Variants in PLCL2 observed in about 807,000 individuals in gnomAD.
PLCL2 encodes the protein phospholipase C like 2.
A neutral mutation model predicts 79.6 loss-of-function variants in PLCL2; 4 were observed. The ratio of observed to expected loss-of-function variants is 0.05; its 90% CI spans 0.02 to 0.11. The LOEUF (loss-of-function observed/expected upper bound fraction) is 0.11. Among genes scored for constraint, PLCL2 ranks in the 10% least tolerant of loss-of-function variants. PLCL2 has a pLI of 1.00. For missense variants in PLCL2, 895 were observed against 1,291.0 expected, an observed-to-expected ratio of 0.69 and a Z score of 4.70; for synonymous variants, 484 against 457.7, an observed-to-expected ratio of 1.06 and a Z score of -0.73.
intron 1 of PLCL2, among the ~76,000 whole-genome samples, chr3:17,002,394 A>T (rs1453245515): frequency 6.6e-6 from 1 of 152,168 alleles, no homozygotes; most frequent in Admixed American, 6.5e-5. Context: ...GACTACAAAT[A>T]CTATGTTGAA....
At chr3:16,888,576 TA>T (rs768938614) in intron 1 of PLCL2, among the ~76,000 whole-genome samples, 7 of 152,390 alleles carry the variant, frequency 4.6e-5, no homozygotes, top group Middle Eastern at 6.8e-3. Context: ...AGTAATCTAG[TA>T]AATGAAAACA....
intron 1 of PLCL2, among the ~76,000 whole-genome samples, chr3:16,919,762 T>C (rs759819742): frequency 6.6e-6 from 1 of 152,018 alleles, no homozygotes; most frequent in Non-Finnish European, 1.5e-5. Context: ...TTCTTGGAGG[T>C]GCTTCCCTCA....
At chr3:16,920,045 G>C (rs1020503321) in intron 1 of PLCL2, among the ~76,000 whole-genome samples, 1 of 152,176 alleles carries the variant, frequency 6.6e-6, no homozygotes, top group African/African-American at 2.4e-5. Flanking sequence ...GCCTCTGAGA[G>C]TAGAAATCAG....
chr3:16,999,358 T>C (rs1176256701), intron 1 of PLCL2, among the ~76,000 whole-genome samples: 1 of 152,180 alleles, frequency 6.6e-6, no homozygotes, highest in Non-Finnish European at 1.5e-5. Flanking sequence ...AAATCCTAAG[T>C]GTTTAGAGTA....
At position 17,010,843 on chromosome 3, in the gene PLCL2, C is replaced by T. The variant is rs373967358; in HGVS notation, c.1497C>T (p.Val499=). 1.2e-6 allele frequency: 2 copies of T among 1,613,952 alleles called. No individual in the cohort carries two copies. The highest frequency in any genetic ancestry group is 1.3e-5 in the African/African-American group (1 of 74,902). The change falls in exon 2 of 6, where the codon GTC becomes GTT. Residue 499 remains valine (V), a synonymous_variant. Coordinates refer to ENST00000615277, the MANE Select transcript of PLCL2 (RefSeq NM_001144382.2). The surrounding 1 kb of genome is among the most constrained non-coding windows in gnomAD (Gnocchi z 5.8). Reference sequence around the variant, plus strand: ...CCTCTCAGATAGTTTTCCGCAGTGTCATTGATATTATTAACAAGTATGCAT... The same window carrying T: ...CCTCTCAGATAGTTTTCCGCAGTGTTATTGATATTATTAACAAGTATGCAT... ...TMTSQIVFRS[V]IDIINKYAFF...
intron 1 of PLCL2, among the ~76,000 whole-genome samples, chr3:16,897,003 C>T (rs989081708): frequency 7.9e-5 from 12 of 152,074 alleles, no homozygotes; most frequent in African/African-American, 2.9e-4. Flanking sequence ...GTTGGGTTCT[C>T]GACTTCCCTG....
chr3:16,895,246 A>G (rs1204629067), intron 1 of PLCL2, among the ~76,000 whole-genome samples: 1 of 152,114 alleles, frequency 6.6e-6, no homozygotes, highest in African/African-American at 2.4e-5. Context: ...AGTTCAGTGT[A>G]TCAGTATTTT....
chr3:16,982,844 C>T lies in PLCL2; in HGVS notation c.328-26830C>T, dbSNP rs564221644. ...TTAGTTGTTTCTAAAAATTAAATCC[C>T]TTCTTCCTTCTTTAATGGCAAAAAT... On this transcript the variant is annotated intron_variant, in intron 1 of 5. Coordinates refer to ENST00000615277, the MANE Select transcript of PLCL2 (RefSeq NM_001144382.2). Among the ~76,000 whole-genome samples, 87 of 152,198 alleles carry T rather than the reference C, an allele frequency of 5.7e-4. No homozygotes were observed. The South Asian group carries it at 0.012, about 22-fold the overall frequency.
In PLCL2 at chr3:17,010,067, A is replaced by G. The variant is rs775170865; in HGVS notation, c.721A>G (p.Ile241Val). ...LVANSADVAN[I>V]WVTGLRYLIS... is the part of the protein sequence containing the mutation. ...TGCCAACTCCGCAGATGTTGCAAAC[A>G]TCTGGGTTACAGGACTGCGGTACCT... is the stretch of plus-strand genomic sequence containing the variant. The change falls in exon 2 of 6, where the codon ATC becomes GTC. Residue 241 changes from isoleucine (I) to valine (V), a missense_variant. Around this residue, in one of 6 missense-constraint regions of PLCL2, gnomAD observed 129 missense variants for 208.8 expected, o/e 0.62. Transcript: ENST00000615277. This position sits in a 1 kb window ranked among gnomAD's most constrained non-coding sequence, Gnocchi z 5.8. 2 of 1,613,342 alleles carry G rather than the reference A, an allele frequency of 1.2e-6. No individual in the cohort carries two copies. Among genetic ancestry groups the G allele is most frequent in the Non-Finnish European group, 1.7e-6 (2 of 1,179,382 alleles).
intron 4 of PLCL2, among the ~76,000 whole-genome samples, chr3:17,052,822 C>A (rs1048376278): frequency 4.6e-5 from 7 of 152,252 alleles, no homozygotes; most frequent in Non-Finnish European, 8.8e-5. Context: ...TCGTGATTTT[C>A]TTAATGTTTT....
intron 4 of PLCL2, among the ~76,000 whole-genome samples, chr3:17,050,616 A>G (rs1319364234): frequency 6.6e-6 from 1 of 152,212 alleles, no homozygotes; most frequent in African/African-American, 2.4e-5. Flanking sequence ...TGCAGTTAAA[A>G]TGGCTTTTAT....
chr3:16,960,899 T>C (rs889515128), intron 1 of PLCL2, among the ~76,000 whole-genome samples: 2 of 152,230 alleles, frequency 1.3e-5, no homozygotes, highest in East Asian at 3.8e-4. Context: ...ATTTCAATAA[T>C]GACTTCATGG....
intron 5 of PLCL2, among the ~76,000 whole-genome samples, chr3:17,070,732 C>T (rs1193515089): frequency 6.6e-6 from 1 of 151,996 alleles, no homozygotes; most frequent in Non-Finnish European, 1.5e-5. Context: ...TGGGATCTGT[C>T]GAGTTCCTCC....
intron 1 of PLCL2, among the ~76,000 whole-genome samples, chr3:16,904,319 C>CAAAAAAAAAAAAA (rs759121819): frequency 7.3e-5 from 10 of 137,278 alleles, no homozygotes; most frequent in African/African-American, 2.4e-4. Context: ...AAAAAAAAAG[C>CAAAAAAAAAAAAA]AAACTTTGGA....
chr3:16,920,653 T>A (rs1697104964), intron 1 of PLCL2, among the ~76,000 whole-genome samples: 1 of 152,154 alleles, frequency 6.6e-6, no homozygotes, highest in Non-Finnish European at 1.5e-5. Flanking sequence ...ACTTAAAGAA[T>A]GCAGGAGTGA....
At chr3:17,046,636 G>T (rs1041247254) in intron 4 of PLCL2, among the ~76,000 whole-genome samples, 1 of 152,224 alleles carries the variant, frequency 6.6e-6, no homozygotes, top group Non-Finnish European at 1.5e-5. Context: ...TAAAATGACA[G>T]TAGAGGGTTT....
At chr3:16,923,957 A>G (rs2124936893) in intron 1 of PLCL2, among the ~76,000 whole-genome samples, 1 of 152,258 alleles carries the variant, frequency 6.6e-6, no homozygotes, top group East Asian at 1.9e-4. Flanking sequence ...CTCCCTTTAA[A>G]AAGTCATTTT....
chr3:17,074,221 AG>A (rs1291916434), intron 5 of PLCL2, among the ~76,000 whole-genome samples: 2 of 152,236 alleles, frequency 1.3e-5, no homozygotes, highest in African/African-American at 2.4e-5. Context: ...CAGGCATGAA[AG>A]CAATATTAAT....
At chr3:17,072,190 C>T (rs2065066392) in intron 5 of PLCL2, among the ~76,000 whole-genome samples, 1 of 151,890 alleles carries the variant, frequency 6.6e-6, no homozygotes, top group Non-Finnish European at 1.5e-5. Flanking sequence ...TTTATTTAAC[C>T]ATAAAGATGC....
Sources: gnomAD v4.1 joint callset for allele counts (sites outside exome capture counted in the v4.1 genomes callset) on GRCh38, gnomAD v4.1.1 for gene constraint, gnomAD v4.1.1 regional missense constraint, Gnocchi (gnomAD v3.1) non-coding constraint, MANE v1.5 for transcripts, NCBI Gene and HGNC (gene_info 2026-07-23, HGNC 2026-07-21) for gene names.